The following SDK1 variants were observed in gnomAD, a reference collection of about 807,000 sequenced individuals.
The protein encoded by SDK1 is protein sidekick-1.
A neutral mutation model predicts 245.5 loss-of-function variants in SDK1; 157 were observed. That is an observed-to-expected ratio of 0.64 (90% CI 0.56 to 0.73). The LOEUF (loss-of-function observed/expected upper bound fraction) is 0.73, where lower values mean the gene tolerates loss of function less well. SDK1 is among the 30% of genes least tolerant of loss of function. The probability of loss-of-function intolerance (pLI) is 0.00; values close to 1 mark genes in which losing one functional copy is unlikely to be tolerated. For missense variants in SDK1, 3,583 were observed against 3,002.3 expected, an observed-to-expected ratio of 1.19 and a Z score of -4.52; for synonymous variants, 1,647 against 1,278.5, an observed-to-expected ratio of 1.29 and a Z score of -6.15.
At position 3,958,925 on chromosome 7, in the gene SDK1, T is replaced by C; in HGVS notation, c.1151-6T>C. ...TAGGGGCTTTTTTTTATTTTCTTGT[T>C]TGAAGAGCCACCATATTTTACTGCT... On this transcript the variant is annotated splice_region_variant and splice_polypyrimidine_tract_variant and intron_variant, in intron 7 of 44. Coordinates refer to ENST00000404826, the MANE Select transcript of SDK1 (RefSeq NM_152744.4). The C allele has an allele frequency of 1.9e-6, 3 of 1,612,194 alleles. No individual in the cohort carries two copies. The highest frequency in any genetic ancestry group is 4.5e-5 in the East Asian group (2 of 44,870).
In SDK1 at chr7:4,263,407, G is replaced by T. The variant is rs556562824; in HGVS notation, c.6382-1717G>T. Among the ~76,000 whole-genome samples, 9 of 151,204 alleles carry T rather than the reference G, an allele frequency of 6.0e-5. No individual in the cohort carries two copies. In the South Asian group the frequency reaches 1.9e-3, roughly 32 times the overall value. The stretch of plus-strand genomic sequence containing the variant: ...TGGGGAGGCCACCTAGATCTTTGCT[G>T]GGGTGGGAAGGCTGTGTAGACCTCT... On this transcript the variant is annotated intron_variant, in intron 44 of 44. Coordinates refer to ENST00000404826, the MANE Select transcript of SDK1 (RefSeq NM_152744.4).
intron 5 of SDK1, among the ~76,000 whole-genome samples, chr7:3,905,855 C>G (rs1159844290): frequency 6.6e-6 from 1 of 152,132 alleles, no homozygotes; most frequent in Non-Finnish European, 1.5e-5. Context: ...AACTCTTGGC[C>G]TCAAGCGATC....
At chr7:3,319,759 C>T (rs1468339488) in intron 1 of SDK1, among the ~76,000 whole-genome samples, 1 of 151,774 alleles carries the variant, frequency 6.6e-6, no homozygotes, top group Non-Finnish European at 1.5e-5. Flanking sequence ...CAAAATATAG[C>T]ATTTTGAAAT....
chr7:3,360,958 C>T (rs1472123128), intron 1 of SDK1, among the ~76,000 whole-genome samples: 1 of 152,132 alleles, frequency 6.6e-6, no homozygotes, highest in Admixed American at 6.5e-5. Flanking sequence ...ATAGTAAGGC[C>T]TCCAATTGCC....
chr7:3,813,582 G>A (rs1583441135), intron 4 of SDK1, among the ~76,000 whole-genome samples: 1 of 150,854 alleles, frequency 6.6e-6, no homozygotes, highest in Admixed American at 6.6e-5. Flanking sequence ...ACATGTGCAT[G>A]TGTCTTTACA....
intron 4 of SDK1, among the ~76,000 whole-genome samples, chr7:3,722,120 T>C (rs1444765356): frequency 6.6e-6 from 1 of 152,100 alleles, no homozygotes; most frequent in African/African-American, 2.4e-5. Flanking sequence ...GCTCTAGTGA[T>C]CTTCCTTCCT....
chr7:3,683,505 T>G (rs996014666), intron 4 of SDK1, among the ~76,000 whole-genome samples: 2 of 152,222 alleles, frequency 1.3e-5, no homozygotes, highest in Non-Finnish European at 2.9e-5. Context: ...GTTCACTTCA[T>G]GAGGACAAGA....
chr7:3,628,864 C>G (rs180884483), intron 2 of SDK1, among the ~76,000 whole-genome samples: 1 of 152,186 alleles, frequency 6.6e-6, no homozygotes, highest in Non-Finnish European at 1.5e-5. Context: ...CTGCTTACTG[C>G]CTTGAGGGGA....
At chr7:4,143,599 G>A (rs1779732739) in intron 28 of SDK1, among the ~76,000 whole-genome samples, 1 of 152,198 alleles carries the variant, frequency 6.6e-6, no homozygotes, top group Admixed American at 6.5e-5. Flanking sequence ...CACCCCCAAA[G>A]GTGTGTCCTT....
intron 4 of SDK1, among the ~76,000 whole-genome samples, chr7:3,773,502 G>A (rs1420330152): frequency 6.6e-6 from 1 of 152,094 alleles, no homozygotes; most frequent in Non-Finnish European, 1.5e-5. Flanking sequence ...TTGTTTTAAA[G>A]TCTCTGTCCA....
At chr7:3,935,181 C>A (rs1780113672) in intron 5 of SDK1, among the ~76,000 whole-genome samples, 1 of 152,124 alleles carries the variant, frequency 6.6e-6, no homozygotes, top group Non-Finnish European at 1.5e-5. Flanking sequence ...ATGGGCAGGG[C>A]ACAGGCAGCA....
At chr7:4,138,744 G>T (rs1779259887) in intron 28 of SDK1, among the ~76,000 whole-genome samples, 2 of 68,722 alleles carry the variant, frequency 2.9e-5, no homozygotes, top group Admixed American at 3.3e-4. Flanking sequence ...GTGAAACTCT[G>T]TCTCAAAAAA....
Position 3,526,212 on chromosome 7 carries a change from G to A in SDK1, c.299-92868G>A, listed in dbSNP as rs534567737. On this transcript the variant is annotated intron_variant, in intron 1 of 44. Coordinates refer to ENST00000404826, the MANE Select transcript of SDK1 (RefSeq NM_152744.4). ...CGCATCACTGAACTCCAGCCTGGGA[G>A]ACAGAGCGAGACTCCGTCGCAAAAA... is the stretch of plus-strand genomic sequence containing the variant. Among the ~76,000 whole-genome samples, 252 of 151,742 alleles carry A rather than the reference G, an allele frequency of 1.7e-3. 1 individual carries two copies. Among genetic ancestry groups the A allele is most frequent in the African/African-American group, 5.9e-3 (243 of 41,312 alleles).
intron 28 of SDK1, among the ~76,000 whole-genome samples, chr7:4,139,486 TGTATATATGTGTGTGTGTATATGTATATA>T (rs1421323766): frequency 2.0e-5 from 3 of 148,616 alleles, no homozygotes; most frequent in Non-Finnish European, 4.5e-5. Context: ...TATATGTGTG[TGTATATATGTGTGTGTGTATATGTATATA>T]TGTGTGTGTA....
chr7:4,232,987 C>G (rs577152259), intron 40 of SDK1: 12 of 358,830 alleles, frequency 3.3e-5, no homozygotes, highest in African/African-American at 1.8e-4. Flanking sequence ...ATATGCATAA[C>G]CTAACGTTTC....
intron 4 of SDK1, among the ~76,000 whole-genome samples, chr7:3,681,421 A>C (rs1784097327): frequency 6.6e-6 from 1 of 152,202 alleles, no homozygotes; most frequent in Non-Finnish European, 1.5e-5. Context: ...CCTTTCCTGT[A>C]CACATCCCTG....
chr7:3,963,923 C>T (rs1194442690), intron 9 of SDK1, among the ~76,000 whole-genome samples: 13 of 151,604 alleles, frequency 8.6e-5, no homozygotes, highest in Non-Finnish European at 1.3e-4. Context: ...CTGACCTGGA[C>T]GTATCCAGTG....
intron 25 of SDK1, among the ~76,000 whole-genome samples, chr7:4,116,590 G>GCC (rs1325668722): frequency 2.0e-5 from 3 of 152,234 alleles, no homozygotes; most frequent in Non-Finnish European, 4.4e-5. Context: ...ATGCACAGAA[G>GCC]CCCCCTGGGT....
chr7:3,797,723 A>G (rs1445551729), intron 4 of SDK1, among the ~76,000 whole-genome samples: 6 of 152,102 alleles, frequency 3.9e-5, no homozygotes, highest in African/African-American at 1.4e-4. Flanking sequence ...GCTGTATGGC[A>G]TGAGTTAAGG....
Sources: gnomAD v4.1 joint callset for allele counts (sites outside exome capture counted in the v4.1 genomes callset) on GRCh38, gnomAD v4.1.1 for gene constraint, MANE v1.5 for transcripts, NCBI Gene and HGNC (gene_info 2026-07-23, HGNC 2026-07-21) for gene names.